The following UBE3C variants were observed in gnomAD, a reference collection of about 807,000 sequenced individuals.
The protein encoded by UBE3C is ubiquitin-protein ligase E3C.
UBE3C carries 42 observed loss-of-function variants against 129.4 expected under a neutral mutation model. The ratio of observed to expected loss-of-function variants is 0.32; its 90% CI spans 0.25 to 0.42. The LOEUF (loss-of-function observed/expected upper bound fraction) is 0.42, where lower values mean the gene tolerates loss of function less well. Ranked by LOEUF, UBE3C falls within the 10% of genes least tolerant of loss-of-function variation. The probability of loss-of-function intolerance (pLI) is 1.00; values close to 1 mark genes in which losing one functional copy is unlikely to be tolerated. For synonymous variants in UBE3C, 510 were observed against 492.4 expected, an observed-to-expected ratio of 1.04 and a Z score of -0.47; for missense variants, 1,049 against 1,319.1, an observed-to-expected ratio of 0.80 and a Z score of 3.17.
At chr7:157,160,070 TTTTTTTTTTC>T (rs1440762442) in intron 1 of UBE3C, among the ~76,000 whole-genome samples, 6 of 149,864 alleles carry the variant, frequency 4.0e-5, no homozygotes, top group Non-Finnish European at 8.9e-5. Flanking sequence ...CCGTAGTTAC[TTTTTTTTTTC>T]TTTTTTTTTT....
At chr7:157,192,394 G>A (rs558439235) in intron 10 of UBE3C, 60 of 695,934 alleles carry the variant, frequency 8.6e-5, no homozygotes, top group East Asian at 5.8e-4. Flanking sequence ...AAACCCTTAC[G>A]GGGAAGACCA....
At chr7:157,198,211 G>T (rs1431358893) in intron 10 of UBE3C, 4 of 1,532,070 alleles carry the variant, frequency 2.6e-6, no homozygotes, top group Non-Finnish European at 3.6e-6. Context: ...TATTCAGACC[G>T]CTTACAAAAG....
chr7:157,231,525 C>T (rs904817619), intron 18 of UBE3C, 198 bp downstream of exon 18: 5 of 684,496 alleles, frequency 7.3e-6, no homozygotes, highest in Non-Finnish European at 1.2e-5. Flanking sequence ...CCTCCAAACT[C>T]ATGTTGAAAC....
chr7:157,152,649 GCCTGGAGT>G (rs1644559180), intron 1 of UBE3C, among the ~76,000 whole-genome samples: 1 of 152,138 alleles, frequency 6.6e-6, no homozygotes, highest in South Asian at 2.1e-4. Flanking sequence ...AGAAATCAAG[GCCTGGAGT>G]CCAAATAATT....
At chr7:157,242,978 C>T (rs558623532) in intron 18 of UBE3C, among the ~76,000 whole-genome samples, 1 of 152,142 alleles carries the variant, frequency 6.6e-6, no homozygotes, top group East Asian at 1.9e-4. Flanking sequence ...TCGCTTGAAA[C>T]CGGAAGGCAG....
intron 14 of UBE3C, among the ~76,000 whole-genome samples, chr7:157,220,053 G>GTAC (rs756201660): frequency 1.1e-3 from 173 of 152,150 alleles, no homozygotes; most frequent in Non-Finnish European, 1.9e-3. Flanking sequence ...TCTACAAAAA[G>GTAC]TACAAAAATT....
intron 1 of UBE3C, among the ~76,000 whole-genome samples, chr7:157,155,892 G>A (rs182689539): frequency 5.9e-4 from 89 of 151,998 alleles, no homozygotes; most frequent in African/African-American, 1.6e-3. Flanking sequence ...CGATGGCCTC[G>A]GTCGTTTCAG....
At chr7:157,265,930 T>C (rs1797065447) in intron 22 of UBE3C, among the ~76,000 whole-genome samples, 1 of 152,210 alleles carries the variant, frequency 6.6e-6, no homozygotes, top group African/African-American at 2.4e-5. Context: ...TTAACAATTA[T>C]TTAAATTCTG....
chr7:157,194,558 C>T (rs548102097), intron 10 of UBE3C, among the ~76,000 whole-genome samples: 10 of 152,182 alleles, frequency 6.6e-5, no homozygotes, highest in East Asian at 1.9e-4. Flanking sequence ...AATTCTGAGG[C>T]GCATGCCAGA....
rs180766371 is a variant in UBE3C, at chr7:157,199,274, T to C, written c.1332-2447T>C. ...ATTTTTCGTAGCTTTTTTCTTACTC[T>C]TTTTTCCGTATGACTGTTGCGTATT... On this transcript the variant is annotated intron_variant, in intron 10 of 22. Transcript: ENST00000348165. Among the ~76,000 whole-genome samples the C allele has an allele frequency of 2.3e-3, 350 of 152,304 alleles. 2 individuals are homozygous for C. The highest frequency in any genetic ancestry group is 7.8e-3 in the African/African-American group (326 of 41,560).
rs532229707 is a variant in UBE3C at position 157,164,489 on chromosome 7, A to G, written c.120+626A>G. The G allele has an allele frequency of 8.8e-6, 4 of 456,684 alleles. 1 individual carries two copies. The highest frequency in any genetic ancestry group is 6.2e-5 in the South Asian group (4 of 64,574). 28.3% of individuals were successfully genotyped at this position (456,684 alleles called of 1,614,324 possible). A position where few individuals can be genotyped will look rare whatever the true frequency, so the allele number is the denominator to read the frequency against. The stretch of plus-strand genomic sequence containing the variant: ...GATGTTTCATGAAGCATAAGGAGAA[A>G]GCTCACTGTTAAGACATGTGTCTTA... On this transcript the variant is annotated intron_variant, in intron 2 of 22. Transcript: ENST00000348165.
chr7:157,151,810 A>G (rs2116816433), intron 1 of UBE3C, among the ~76,000 whole-genome samples: 1 of 152,318 alleles, frequency 6.6e-6, no homozygotes, highest in African/African-American at 2.4e-5. Flanking sequence ...GTTTGTCACC[A>G]TGACAACCGT....
chr7:157,213,825 A>G (rs2117026143), intron 13 of UBE3C, among the ~76,000 whole-genome samples: 1 of 152,362 alleles, frequency 6.6e-6, no homozygotes, highest in African/African-American at 2.4e-5. Flanking sequence ...ATAAAAAGAC[A>G]GGTCACCTAG....
intron 16 of UBE3C, among the ~76,000 whole-genome samples, chr7:157,224,586 A>G (rs1054208613): frequency 1.3e-5 from 2 of 152,076 alleles, no homozygotes; most frequent in Non-Finnish European, 2.9e-5. Context: ...TATGTTTCCA[A>G]ATTTTAAAAT....
At chr7:157,176,243 C>T (rs1808514244) in intron 5 of UBE3C, among the ~76,000 whole-genome samples, 1 of 152,106 alleles carries the variant, frequency 6.6e-6, no homozygotes, top group African/African-American at 2.4e-5. Context: ...GTTTGGGCAG[C>T]AGAGCAAGAC....
At chr7:157,213,057 AGT>A (rs1245355660) in intron 13 of UBE3C, among the ~76,000 whole-genome samples, 1 of 152,160 alleles carries the variant, frequency 6.6e-6, no homozygotes, top group Non-Finnish European at 1.5e-5. Context: ...CACGCCCGGC[AGT>A]GTGTGCATTT....
chr7:157,175,230 A>G (rs953849067), intron 5 of UBE3C, among the ~76,000 whole-genome samples, 196 bp downstream of exon 5: 4 of 148,326 alleles, frequency 2.7e-5, no homozygotes, highest in African/African-American at 1.0e-4. Context: ...GTATAAATGA[A>G]GACACATATT....
At chr7:157,145,335 T>G (rs572384090) in intron 1 of UBE3C, among the ~76,000 whole-genome samples, 1 of 152,104 alleles carries the variant, frequency 6.6e-6, no homozygotes, top group East Asian at 1.9e-4. Flanking sequence ...CTGGTCAACA[T>G]GGTGATACTC....
At chr7:157,234,853 C>T (rs1482412710) in intron 18 of UBE3C, among the ~76,000 whole-genome samples, 1 of 152,160 alleles carries the variant, frequency 6.6e-6, no homozygotes, top group African/African-American at 2.4e-5. Context: ...TTCTCAGTTT[C>T]AGCTTCCCCT....
Sources: allele counts gnomAD v4.1 joint callset (sites outside exome capture counted in the v4.1 genomes callset), GRCh38; gene constraint gnomAD v4.1.1; transcripts MANE v1.5; gene names NCBI Gene and HGNC (gene_info 2026-07-23, HGNC 2026-07-21).